MAF: variants seen among roughly 807,000 people sequenced by gnomAD.
MAF encodes the protein transcription factor Maf.
A neutral mutation model predicts 22.0 loss-of-function variants in MAF; 10 were observed. The ratio of observed to expected loss-of-function variants is 0.45; its 90% CI spans 0.28 to 0.77. The LOEUF (loss-of-function observed/expected upper bound fraction) is 0.77, where lower values mean the gene tolerates loss of function less well. MAF is among the 30% of genes least tolerant of loss of function. The probability of loss-of-function intolerance (pLI) is 0.12; values close to 1 mark genes in which losing one functional copy is unlikely to be tolerated. For synonymous variants in MAF, 337 were observed against 255.8 expected, an observed-to-expected ratio of 1.32 and a Z score of -3.03; for missense variants, 544 against 548.4, an observed-to-expected ratio of 0.99 and a Z score of 0.08.
the MAF span, among the ~76,000 whole-genome samples, chr16:79,523,136 T>C: frequency 3.3e-5 from 5 of 152,234 alleles, no homozygotes; most frequent in Non-Finnish European, 7.3e-5. Flanking sequence ...TGGTCAATAC[T>C]GTTTGATAGC....
the MAF span, among the ~76,000 whole-genome samples, chr16:79,227,948 G>A: frequency 6.6e-6 from 1 of 152,064 alleles, no homozygotes; most frequent in Non-Finnish European, 1.5e-5. Flanking sequence ...CTGTCACACA[G>A]GCAAGACTGC....
At chr16:79,588,608 C>T (rs145571770) in intron 1 of MAF, among the ~76,000 whole-genome samples, 234 of 151,988 alleles carry the variant, frequency 1.5e-3, no homozygotes, top group Non-Finnish European at 2.4e-3. Context: ...ATTACAGGCA[C>T]GTGCCCCCAC....
the MAF span, among the ~76,000 whole-genome samples, chr16:79,449,592 A>G: frequency 2.0e-5 from 3 of 152,224 alleles, no homozygotes; most frequent in Non-Finnish European, 4.4e-5. Context: ...GTGAGGCAGA[A>G]TGCTACAACG....
the MAF span, among the ~76,000 whole-genome samples, chr16:79,461,867 A>G: frequency 1.3e-5 from 2 of 152,054 alleles, no homozygotes; most frequent in African/African-American, 4.8e-5. Context: ...CCTATGGTTT[A>G]TTTTTAGCAA....
At chr16:79,213,931 C>G in the MAF span, among the ~76,000 whole-genome samples, 1 of 152,036 alleles carries the variant, frequency 6.6e-6, no homozygotes, top group African/African-American at 2.4e-5. Context: ...CTCCAGCTAC[C>G]TCTCTAATCT....
the MAF span, among the ~76,000 whole-genome samples, chr16:79,396,822 G>A: frequency 4.6e-5 from 7 of 152,346 alleles, no homozygotes; most frequent in African/African-American, 7.2e-5. Flanking sequence ...CTAGGGTGAT[G>A]TGAATTTGCA....
intron 1 of MAF, chr16:79,598,294 C>G: frequency 9.3e-7 from 1 of 1,078,780 alleles, no homozygotes; most frequent in Non-Finnish European, 1.1e-6. Context: ...AAATAAAACA[C>G]ACACACACAC....
chr16:79,268,818 C>A, the MAF span, among the ~76,000 whole-genome samples: 4 of 152,210 alleles, frequency 2.6e-5, no homozygotes, highest in African/African-American at 9.6e-5. Flanking sequence ...ATCATGCACA[C>A]AAGCCGCATT....
the MAF span, among the ~76,000 whole-genome samples, chr16:79,355,752 T>C: frequency 9.2e-5 from 14 of 152,126 alleles, no homozygotes; most frequent in African/African-American, 2.7e-4. Context: ...CAGGGAGAGA[T>C]AGGAACAGAT....
At chr16:79,327,420 A>G in the MAF span, among the ~76,000 whole-genome samples, 1 of 152,218 alleles carries the variant, frequency 6.6e-6, no homozygotes, top group East Asian at 1.9e-4. Flanking sequence ...TTTCTCATTG[A>G]TAGTCTCTCT....
chr16:79,599,781 C>T lies in MAF; in HGVS notation c.122G>A (p.Arg41His), dbSNP rs2143818412. ...GAGACGGCCGCACTGGCTGATGATGCGGTCGGTCTCCACCGGTTCCTTTTT... is the reference window on the plus strand; with the variant it reads ...GAGACGGCCGCACTGGCTGATGATGTGGTCGGTCTCCACCGGTTCCTTTTT... The part of the protein sequence containing the change: ...EVKKEPVETD[R>H]IISQCGRLIA... The change falls in exon 1 of 2, where the codon CGC (arginine) becomes CAC (histidine). Residue 41 changes from arginine to histidine, a missense_variant. Around this residue, in one of 5 missense-constraint regions of MAF, gnomAD observed 63 missense variants for 72.7 expected, o/e 0.87. Coordinates refer to ENST00000326043, the MANE Select transcript of MAF (RefSeq NM_005360.5). The T allele has an allele frequency of 6.2e-7, 1 of 1,612,996 alleles. No homozygotes were observed. The highest frequency in any genetic ancestry group is 1.7e-4 in the Middle Eastern group (1 of 5,994).
At chr16:79,438,162 A>G in the MAF span, among the ~76,000 whole-genome samples, 1 of 152,128 alleles carries the variant, frequency 6.6e-6, no homozygotes, top group Admixed American at 6.5e-5. Flanking sequence ...CCACATGCCA[A>G]GCTACAAGGC....
chr16:79,556,424 G>T, the MAF span, among the ~76,000 whole-genome samples: 1,667 of 152,318 alleles, frequency 0.011, 29 homozygotes, highest in African/African-American at 0.038. Flanking sequence ...TAGAAAGAGA[G>T]TTGTATTGGG....
the MAF span, among the ~76,000 whole-genome samples, chr16:79,231,300 G>A: frequency 1.4e-4 from 22 of 152,122 alleles, no homozygotes; most frequent in East Asian, 4.1e-3. Flanking sequence ...CACAATTTTG[G>A]TATTCTGACC....
chr16:79,330,912 G>A, the MAF span, among the ~76,000 whole-genome samples: 2 of 152,312 alleles, frequency 1.3e-5, no homozygotes, highest in African/African-American at 4.8e-5. Context: ...CTTCTGCAAA[G>A]CCACCTTCCT....
At chr16:79,266,510 A>T in the MAF span, among the ~76,000 whole-genome samples, 1 of 152,150 alleles carries the variant, frequency 6.6e-6, no homozygotes, top group East Asian at 1.9e-4. Context: ...GATAACCAAG[A>T]AAAAAACAAC....
the MAF span, among the ~76,000 whole-genome samples, chr16:79,370,730 C>T: frequency 4.6e-5 from 7 of 152,056 alleles, no homozygotes; most frequent in South Asian, 2.1e-4. Flanking sequence ...TGCTTTTCTC[C>T]GTCTCTGTTG....
At chr16:79,258,311 C>T in the MAF span, among the ~76,000 whole-genome samples, 2 of 152,204 alleles carry the variant, frequency 1.3e-5, no homozygotes, top group Non-Finnish European at 2.9e-5. Context: ...GCCAGCCCAG[C>T]AGAGTGGTCA....
chr16:79,369,881 G>A, the MAF span, among the ~76,000 whole-genome samples: 1 of 152,230 alleles, frequency 6.6e-6, no homozygotes, highest in South Asian at 2.1e-4. Context: ...TAACTGGAAA[G>A]GGGACTGAAA....
Sources: allele counts gnomAD v4.1 joint callset (sites outside exome capture counted in the v4.1 genomes callset), GRCh38; gene constraint gnomAD v4.1.1; regional missense constraint gnomAD v4.1.1; transcripts MANE v1.5; gene names NCBI Gene and HGNC (gene_info 2026-07-23, HGNC 2026-07-21).